ACTL8: variants seen among roughly 807,000 people sequenced by gnomAD.
ACTL8 encodes actin-like protein 8.
ACTL8 carries 3 observed loss-of-function variants against 9.3 expected under a neutral mutation model. That is an observed-to-expected ratio of 0.32 (90% confidence interval 0.15 to 0.83). The LOEUF (loss-of-function observed/expected upper bound fraction) is 0.83, where lower values mean the gene tolerates loss of function less well. Among genes scored for constraint, ACTL8 ranks in the 40% least tolerant of loss-of-function variants. The pLI is 0.57. For synonymous variants in ACTL8, 224 were observed against 205.9 expected, an observed-to-expected ratio of 1.09 and a Z score of -0.75; for missense variants, 381 against 492.2, an observed-to-expected ratio of 0.77 and a Z score of 2.14.
intron 1 of ACTL8, among the ~76,000 whole-genome samples, chr1:17,811,125 C>G (rs1423971079): frequency 2.6e-5 from 4 of 152,194 alleles, no homozygotes; most frequent in African/African-American, 9.7e-5. Context: ...CCAATTTCTC[C>G]ACATCCTTGT....
chr1:17,777,909 G>A (rs1459387947), intron 1 of ACTL8, among the ~76,000 whole-genome samples: 2 of 152,202 alleles, frequency 1.3e-5, no homozygotes, highest in African/African-American at 4.8e-5. Flanking sequence ...TGGTGGCCAG[G>A]CTTGTCTTGA....
At position 17,802,910 on chromosome 1, in the gene ACTL8, G is replaced by A. The variant is rs1045332476; in HGVS notation, c.-24-20075G>A. On this transcript the variant is annotated intron_variant, in intron 1 of 2. Coordinates refer to ENST00000375406, the MANE Select transcript of ACTL8 (RefSeq NM_030812.3). Reference sequence around the variant, plus strand: ...TGAGGCAGGAGGATTGCTTGAACCCGGAAGGCAGAGGTTGCAGTAAGCCGA... The same window carrying A: ...TGAGGCAGGAGGATTGCTTGAACCCAGAAGGCAGAGGTTGCAGTAAGCCGA... Among the ~76,000 whole-genome samples, 8 of 152,092 alleles carry A rather than the reference G, an allele frequency of 5.3e-5. No individual in the cohort carries two copies. In the East Asian group the frequency reaches 5.8e-4, roughly 11 times the overall value.
At chr1:17,757,644 G>T (rs1041064005) in intron 1 of ACTL8, among the ~76,000 whole-genome samples, 2 of 152,210 alleles carry the variant, frequency 1.3e-5, no homozygotes, top group Non-Finnish European at 2.9e-5. Context: ...GCCCCTAGCT[G>T]TGGTCAGATC....
intron 1 of ACTL8, among the ~76,000 whole-genome samples, chr1:17,809,300 G>A (rs1175184438): frequency 6.6e-6 from 1 of 152,102 alleles, no homozygotes; most frequent in Non-Finnish European, 1.5e-5. Context: ...ATGCAATATT[G>A]GGTTGGAGTT....
At chr1:17,773,896 C>T (rs1035819703) in intron 1 of ACTL8, among the ~76,000 whole-genome samples, 1 of 152,226 alleles carries the variant, frequency 6.6e-6, no homozygotes, top group African/African-American at 2.4e-5. Flanking sequence ...GGAGAAGAGG[C>T]TGTCTGTGCA....
At chr1:17,778,421 A>G (rs879593254) in intron 1 of ACTL8, among the ~76,000 whole-genome samples, 7 of 152,034 alleles carry the variant, frequency 4.6e-5, no homozygotes, top group Admixed American at 4.6e-4. Context: ...GAGACCCTGA[A>G]TCATCATTTC....
intron 1 of ACTL8, among the ~76,000 whole-genome samples, chr1:17,821,774 G>A (rs900093637): frequency 1.3e-5 from 2 of 152,010 alleles, no homozygotes; most frequent in African/African-American, 4.8e-5. Context: ...GATTACAGGC[G>A]CACTACCACA....
intron 1 of ACTL8, among the ~76,000 whole-genome samples, chr1:17,782,713 T>C (rs1248754392): frequency 6.6e-6 from 1 of 152,238 alleles, no homozygotes; most frequent in Non-Finnish European, 1.5e-5. Flanking sequence ...CGTTTCCTTC[T>C]TGGTAAACAA....
chr1:17,790,617 C>T (rs1244258818), intron 1 of ACTL8, among the ~76,000 whole-genome samples: 1 of 152,198 alleles, frequency 6.6e-6, no homozygotes. Context: ...AGAAAAGGCA[C>T]CACAAGTTCC....
intron 1 of ACTL8, among the ~76,000 whole-genome samples, chr1:17,765,181 C>A (rs2066035172): frequency 6.6e-6 from 1 of 152,180 alleles, no homozygotes; most frequent in Non-Finnish European, 1.5e-5. Flanking sequence ...CAGGTTGGGG[C>A]TGGCCTTCCT....
At chr1:17,797,342 C>G (rs866160723) in intron 1 of ACTL8, among the ~76,000 whole-genome samples, 1 of 152,188 alleles carries the variant, frequency 6.6e-6, no homozygotes, top group African/African-American at 2.4e-5. Flanking sequence ...ACCTCTCTGT[C>G]CCTCCTATGA....
intron 1 of ACTL8, among the ~76,000 whole-genome samples, chr1:17,761,469 C>T (rs1272760953): frequency 6.6e-6 from 1 of 152,156 alleles, no homozygotes; most frequent in African/African-American, 2.4e-5. Context: ...GTGATCCGCC[C>T]AGGTAATCTT....
At chr1:17,784,173 C>T (rs528318924) in intron 1 of ACTL8, among the ~76,000 whole-genome samples, 3 of 152,068 alleles carry the variant, frequency 2.0e-5, no homozygotes, top group East Asian at 1.9e-4. Flanking sequence ...CAATCATGGC[C>T]GAAGGTGAAG....
At chr1:17,773,300 C>T (rs959581098) in intron 1 of ACTL8, among the ~76,000 whole-genome samples, 2 of 152,198 alleles carry the variant, frequency 1.3e-5, no homozygotes, top group African/African-American at 4.8e-5. Flanking sequence ...GGCCATAGCT[C>T]CAGCTCCTGG....
chr1:17,826,123 C>G lies in ACTL8; in HGVS notation c.705C>G (p.Ser235Arg), dbSNP rs2053717091. ...GGCAGCAGAGTGCCTTGGATGAGAG[C>G]AACACCTATCAGCTCCCAGACGGCT... ...RERQQSALDE[S>R]NTYQLPDGSR... is the part of the protein sequence containing the mutation. Residue 235 changes from serine (S) to arginine (R), a missense_variant, in exon 3 of 3, where the codon AGC (serine) becomes AGG (arginine). Transcript: ENST00000375406. The surrounding 1 kb of genome is among the most constrained non-coding windows in gnomAD (Gnocchi z 4.5). 1.9e-6 allele frequency: 3 copies of G among 1,610,448 alleles called. No individual in the cohort carries two copies. In the South Asian group the frequency reaches 3.3e-5, roughly 18 times the overall value.
intron 1 of ACTL8, among the ~76,000 whole-genome samples, chr1:17,791,067 A>T (rs1253883967): frequency 6.6e-6 from 1 of 152,108 alleles, no homozygotes; most frequent in African/African-American, 2.4e-5. Context: ...AAGAGTGCAG[A>T]GATGACTGGG....
chr1:17,795,386 A>G (rs1229400721), intron 1 of ACTL8, among the ~76,000 whole-genome samples: 1 of 152,216 alleles, frequency 6.6e-6, no homozygotes, highest in African/African-American at 2.4e-5. Flanking sequence ...CTTTGAGCCT[A>G]TTTCCTCCAC....
In ACTL8 at chr1:17,823,171, A is replaced by G. The variant is rs61748634; in HGVS notation, c.163A>G (p.Ile55Val). Residue 55 changes from isoleucine (I) to valine (V), a missense_variant, in exon 2 of 3, where the codon ATC becomes GTC. Transcript: ENST00000375406. The surrounding 1 kb of genome is among the most constrained non-coding windows in gnomAD (Gnocchi z 5.3). ...SYARRRVSLG[I>V]DICHPDTFSY... ...TGCCCGTAGGCGTGTGAGCCTGGGC[A>G]TCGACATTTGCCATCCTGACACCTT... The G allele has an allele frequency of 2.8e-3, 4,587 of 1,614,204 alleles. 10 individuals are homozygous for G. The highest frequency in any genetic ancestry group is 7.8e-3 in the Admixed American group (466 of 60,026).
chr1:17,812,118 A>C (rs1295258323), intron 1 of ACTL8, among the ~76,000 whole-genome samples: 1 of 152,096 alleles, frequency 6.6e-6, no homozygotes, highest in African/African-American at 2.4e-5. Context: ...TTGGCCTCCC[A>C]AAGTGCTGGG....
Sources: gnomAD v4.1 joint callset for allele counts (sites outside exome capture counted in the v4.1 genomes callset) on GRCh38, gnomAD v4.1.1 for gene constraint, Gnocchi (gnomAD v3.1) non-coding constraint, MANE v1.5 for transcripts, NCBI Gene and HGNC (gene_info 2026-07-23, HGNC 2026-07-21) for gene names.